TTC27: variants seen among roughly 807,000 people sequenced by gnomAD.
TTC27 encodes the protein tetratricopeptide repeat domain 27.
A neutral mutation model predicts 115.9 loss-of-function variants in TTC27; 79 were observed. The ratio of observed to expected loss-of-function variants is 0.68; its 90% CI spans 0.57 to 0.82. The LOEUF (loss-of-function observed/expected upper bound fraction) is 0.82, where lower values mean the gene tolerates loss of function less well. Ranked by LOEUF, TTC27 falls within the 40% of genes least tolerant of loss-of-function variation. The pLI is 0.00. For missense variants in TTC27, 1,054 were observed against 993.1 expected, an observed-to-expected ratio of 1.06 and a Z score of -0.82; for synonymous variants, 401 against 356.0, an observed-to-expected ratio of 1.13 and a Z score of -1.42.
At chr2:32,751,862 G>C (rs530667537) in intron 12 of TTC27, among the ~76,000 whole-genome samples, 159 of 152,284 alleles carry the variant, frequency 1.0e-3, no homozygotes, top group African/African-American at 3.7e-3. Flanking sequence ...AACTGGGTGA[G>C]AGACAATGTC....
intron 10 of TTC27, among the ~76,000 whole-genome samples, chr2:32,728,512 C>A (rs1411814494): frequency 6.6e-6 from 1 of 152,138 alleles, no homozygotes; most frequent in Non-Finnish European, 1.5e-5. Flanking sequence ...CACCCTGTCT[C>A]CCATATTTTT....
intron 10 of TTC27, among the ~76,000 whole-genome samples, chr2:32,708,258 A>G (rs1266910749): frequency 7.6e-6 from 1 of 131,428 alleles, no homozygotes; most frequent in African/African-American, 2.9e-5. Flanking sequence ...AATAGTAAAT[A>G]TATTTTCTCT....
chr2:32,812,959 A>G (rs1305638087), intron 18 of TTC27, among the ~76,000 whole-genome samples: 2 of 152,218 alleles, frequency 1.3e-5, no homozygotes, highest in African/African-American at 2.4e-5. Flanking sequence ...AAATCTGTTA[A>G]TTTTAACTTG....
At chr2:32,739,608 A>G (rs1317410651) in intron 12 of TTC27, among the ~76,000 whole-genome samples, 4 of 151,882 alleles carry the variant, frequency 2.6e-5, no homozygotes, top group Non-Finnish European at 5.9e-5. Context: ...CTTTGTCTTA[A>G]GTTTTTTGTG....
intron 16 of TTC27, among the ~76,000 whole-genome samples, chr2:32,794,669 TAA>T (rs1670640737): frequency 1.3e-5 from 2 of 151,748 alleles, no homozygotes; most frequent in Admixed American, 1.3e-4. Context: ...TTGAAAAGAT[TAA>T]TAAAATGGAC....
rs1475096932 is a variant in TTC27, at chr2:32,787,152, A to T, written c.1998+3A>T. On this transcript the variant is annotated splice_donor_region_variant and intron_variant, in intron 16 of 19. Coordinates refer to ENST00000317907, the MANE Select transcript of TTC27 (RefSeq NM_017735.5). Reference sequence around the variant, plus strand: ...GTGACAAATACAAAGATGTTCAGGTAGGATATTCCTATTCCGTTATTTCAG... The same window carrying T: ...GTGACAAATACAAAGATGTTCAGGTTGGATATTCCTATTCCGTTATTTCAG... The T allele has an allele frequency of 1.9e-6, 3 of 1,607,822 alleles. No individual in the cohort carries two copies. The African/African-American group carries it at 4.0e-5, about 22-fold the overall frequency.
chr2:32,683,812 A>G (rs551692922), intron 9 of TTC27, among the ~76,000 whole-genome samples: 1 of 152,220 alleles, frequency 6.6e-6, no homozygotes, highest in African/African-American at 2.4e-5. Context: ...TATTGTTGAA[A>G]ATGGGAACAG....
intron 13 of TTC27, among the ~76,000 whole-genome samples, chr2:32,769,011 A>G (rs1383870768): frequency 6.6e-6 from 1 of 152,212 alleles, no homozygotes; most frequent in East Asian, 1.9e-4. Context: ...ATTGGAGATA[A>G]AAGCCCTAGT....
intron 7 of TTC27, 57 bp downstream of exon 7, chr2:32,666,825 T>C: frequency 6.3e-7 from 1 of 1,579,844 alleles, no homozygotes; most frequent in Non-Finnish European, 8.6e-7. Context: ...AGAATTTCAA[T>C]AGCTGAGTAC....
In TTC27 at chr2:32,666,692, A is replaced by G. The variant is rs374104371; in HGVS notation, c.863A>G (p.Asp288Gly). ...AATTATGTGGCACAACTGATTCTAG[A>G]TGTAAGAAGGGAAGGGGATGTCCTT... ...QENYVAQLIL[D>G]VRREGDVLSN... The change falls in exon 7 of 20, where the codon GAT (aspartate) becomes GGT (glycine). Residue 288 changes from aspartate to glycine, a missense_variant. Transcript: ENST00000317907. 6.2e-7 allele frequency: 1 copy of G among 1,614,050 alleles called. No homozygotes were observed.
chr2:32,761,181 T>C (rs1191159512), intron 13 of TTC27, among the ~76,000 whole-genome samples: 1 of 152,112 alleles, frequency 6.6e-6, no homozygotes, highest in African/African-American at 2.4e-5. Context: ...CTTATCCTCA[T>C]CCCTATAAAT....
At chr2:32,750,809 C>T (rs1265773009) in intron 12 of TTC27, among the ~76,000 whole-genome samples, 1 of 152,130 alleles carries the variant, frequency 6.6e-6, no homozygotes, top group East Asian at 1.9e-4. Flanking sequence ...TTTGTAAATT[C>T]AACATTTCCC....
chr2:32,700,730 G>A (rs1018345319), intron 9 of TTC27, among the ~76,000 whole-genome samples: 2 of 152,020 alleles, frequency 1.3e-5, no homozygotes, highest in African/African-American at 2.4e-5. Flanking sequence ...ATTAAAGACT[G>A]GGTTTCATCA....
Position 32,664,333 on chromosome 2 carries a change from A to T in TTC27, c.671A>T (p.Asp224Val), listed in dbSNP as rs201431756. 3.1e-6 allele frequency: 5 copies of T among 1,608,644 alleles called. No homozygotes were observed. The highest frequency in any genetic ancestry group is 4.2e-6 in the Non-Finnish European group (5 of 1,177,248). The change falls in exon 6 of 20, where the codon GAT (aspartate) becomes GTT (valine). Residue 224 changes from aspartate to valine, a missense_variant. By Grantham distance (152) the Asp-to-Val change is radical (BLOSUM62 -3). Transcript: ENST00000317907. ...VMKLQNLFVD[D>V]SGRYLAIQFH... ...AAACTACAGAATCTGTTTGTAGATG[A>T]TTCAGGTCGATATTTGGCTATTCAA... is the stretch of plus-strand genomic sequence containing the variant.
chr2:32,738,639 T>C (rs1668525095), intron 12 of TTC27, among the ~76,000 whole-genome samples: 1 of 152,216 alleles, frequency 6.6e-6, no homozygotes, highest in African/African-American at 2.4e-5. Context: ...CCATTTAAAA[T>C]ATCTTCAAAA....
intron 10 of TTC27, among the ~76,000 whole-genome samples, chr2:32,709,791 C>T (rs1481436600): frequency 2.0e-5 from 3 of 152,088 alleles, no homozygotes; most frequent in South Asian, 2.1e-4. Flanking sequence ...TGGGCCCCAC[C>T]GTGTAGAGCA....
chr2:32,803,023 A>G (rs1002685951), intron 16 of TTC27, among the ~76,000 whole-genome samples: 1 of 152,186 alleles, frequency 6.6e-6, no homozygotes, highest in Non-Finnish European at 1.5e-5. Flanking sequence ...GGTAATATGT[A>G]CTTGATGGGA....
chr2:32,666,908 C>T, intron 7 of TTC27, 140 bp downstream of exon 7: 1 of 1,016,820 alleles, frequency 9.8e-7, no homozygotes, highest in South Asian at 2.4e-5. Flanking sequence ...GTTGCTGAGT[C>T]AGGGAGAACT....
At chr2:32,644,619 G>A (rs1664779989) in intron 4 of TTC27, among the ~76,000 whole-genome samples, 1 of 151,884 alleles carries the variant, frequency 6.6e-6, no homozygotes, top group Admixed American at 6.6e-5. Flanking sequence ...ATGGGAGACA[G>A]GGTCTCACTG....
Sources: gnomAD v4.1 joint callset for allele counts (sites outside exome capture counted in the v4.1 genomes callset) on GRCh38, gnomAD v4.1.1 for gene constraint, MANE v1.5 for transcripts, NCBI Gene and HGNC (gene_info 2026-07-23, HGNC 2026-07-21) for gene names.